The following LRP8 variants were observed in gnomAD, a reference collection of about 807,000 sequenced individuals.
LRP8 encodes the protein LDL receptor related protein 8.
LRP8 carries 46 observed loss-of-function variants against 111.6 expected under a neutral mutation model. That is an observed-to-expected ratio of 0.41 (90% CI 0.33 to 0.53). The LOEUF is 0.53. Ranked by LOEUF, LRP8 falls within the 20% of genes least tolerant of loss-of-function variation. LRP8 has a pLI of 0.20. For missense variants in LRP8, 959 were observed against 1,297.4 expected, an observed-to-expected ratio of 0.74 and a Z score of 4.01; for synonymous variants, 464 against 511.2, an observed-to-expected ratio of 0.91 and a Z score of 1.24.
intron 18 of LRP8, among the ~76,000 whole-genome samples, chr1:53,247,343 C>T (rs1290016835): frequency 6.6e-6 from 1 of 152,148 alleles, no homozygotes; most frequent in African/African-American, 2.4e-5. Flanking sequence ...TGTTTTGTAT[C>T]TTTGTAAAGA....
chr1:53,297,822 A>G (rs1557830786), intron 2 of LRP8, among the ~76,000 whole-genome samples: 1 of 152,204 alleles, frequency 6.6e-6, no homozygotes, highest in Non-Finnish European at 1.5e-5. Context: ...TTATTTCCCA[A>G]GAAACAAGTG....
chr1:53,310,040 C>T (rs1221518064), intron 2 of LRP8, among the ~76,000 whole-genome samples: 4 of 152,110 alleles, frequency 2.6e-5, no homozygotes, highest in South Asian at 2.1e-4. Flanking sequence ...GTCAGTTTAG[C>T]GGCCTTGAGC....
Position 53,262,109 on chromosome 1 carries a change from TGGA to T in LRP8, c.1870_1872del (p.Ser624del). ...CCAAAAGGGTGGCTCAGGAAGTCAG[TGGA>T]GGAGATCAGCGTCTTTCTGTTGCCT... is the stretch of plus-strand genomic sequence containing the variant. On this transcript the variant is annotated inframe_deletion, in exon 12 of 19. Transcript: ENST00000306052. This position sits in a 1 kb window ranked among gnomAD's most constrained non-coding sequence, Gnocchi z 4.8. The T allele has an allele frequency of 1.9e-6, 3 of 1,614,154 alleles. No individual in the cohort carries two copies. Among genetic ancestry groups the T allele is most frequent in the Non-Finnish European group, 2.5e-6 (3 of 1,180,034 alleles).
intron 9 of LRP8, 104 bp from the exon 10 acceptor site, chr1:53,264,500 T>A: frequency 1.2e-6 from 1 of 868,194 alleles, no homozygotes; most frequent in Non-Finnish European, 1.8e-6. Flanking sequence ...GCCATGGCAA[T>A]AGATTTTTAG....
In LRP8 at chr1:53,327,839, TGCAGCAGCAGCAGCA is replaced by T. The variant is rs764027862; in HGVS notation, c.59_73del (p.Leu20_Leu24del). On this transcript the variant is annotated inframe_deletion, in exon 1 of 19. Transcript: ENST00000306052. ...CGCTGCCGCCGCAAGATGCTGGAGC[TGCAGCAGCAGCAGCA>T]GCAGCAGCAGCAGCAGCAGCGCCAG... 107 of 1,486,934 alleles carry T rather than the reference TGCAGCAGCAGCAGCA, an allele frequency of 7.2e-5. 1 individual carries two copies. The highest frequency in any genetic ancestry group is 1.6e-4 in the African/African-American group (11 of 68,472). The allele number at this position is 1,486,934 out of a possible 1,614,324, so 92.1% of individuals were successfully genotyped here.
rs1051248551 is a variant in LRP8, at chr1:53,289,431, T to C, written c.367+136A>G. 6 of 1,214,330 alleles carry C rather than the reference T, an allele frequency of 4.9e-6. No individual in the cohort carries two copies. The African/African-American group carries it at 7.6e-5, about 15-fold the overall frequency. 75.2% of individuals were successfully genotyped at this position (1,214,330 alleles called of 1,614,324 possible). On this transcript the variant is annotated intron_variant, in intron 3 of 18. Coordinates refer to ENST00000306052, the MANE Select transcript of LRP8 (RefSeq NM_004631.5). Reference sequence around the variant, plus strand: ...GTAGAAACCAGCAACTAAATATATCTGTTTACCAGGAGCGCCCTGAGTGCG... The same window carrying C: ...GTAGAAACCAGCAACTAAATATATCCGTTTACCAGGAGCGCCCTGAGTGCG...
intron 15 of LRP8, among the ~76,000 whole-genome samples, chr1:53,255,795 C>G (rs1646065335): frequency 6.6e-6 from 1 of 152,092 alleles, no homozygotes; most frequent in Non-Finnish European, 1.5e-5. Context: ...ATAAATACAG[C>G]ACATGGTATT....
In LRP8 at chr1:53,275,686, G is replaced by A; in HGVS notation, c.951C>T (p.His317=). The A allele has an allele frequency of 6.2e-7, 1 of 1,614,154 alleles. No individual in the cohort carries two copies. Among genetic ancestry groups the A allele is most frequent in the Non-Finnish European group, 8.5e-7 (1 of 1,179,994 alleles). Reference sequence around the variant, plus strand: ...CTGGACAGTCCTGCTCCTGGTTGCAGTGCTTGATTGCAAGGACACATGTCC... The same window carrying A: ...CTGGACAGTCCTGCTCCTGGTTGCAATGCTTGATTGCAAGGACACATGTCC... ...GDGTCVLAIK[H]CNQEQDCPDG... The change falls in exon 6 of 19, where the codon CAC becomes CAT. Residue 317 remains histidine (H), a synonymous_variant. Transcript: ENST00000306052. This position sits in a 1 kb window ranked among gnomAD's most constrained non-coding sequence, Gnocchi z 4.4.
intron 2 of LRP8, among the ~76,000 whole-genome samples, chr1:53,314,212 C>T (rs1035162967): frequency 3.3e-5 from 5 of 152,232 alleles, no homozygotes; most frequent in Admixed American, 6.5e-5. Flanking sequence ...GGCGCTGCTG[C>T]CCTGCTACCC....
rs1572493389 is a variant in LRP8 at position 53,269,761 on chromosome 1, C to T, written c.1252+1267G>A. ...TTAGCCCTTATCGCCATCTGCCATG[C>T]ACTATATTTTATGTATTTATCTGAT... On this transcript the variant is annotated intron_variant, in intron 8 of 18. Transcript: ENST00000306052. 2.6e-5 allele frequency among the ~76,000 whole-genome samples: 4 copies of T among 152,284 alleles called. 1 individual carries two copies. Among genetic ancestry groups the T allele is most frequent in the Admixed American group, 2.0e-4 (3 of 15,290 alleles).
chr1:53,287,379 C>T (rs1647725462), intron 3 of LRP8, among the ~76,000 whole-genome samples: 1 of 152,212 alleles, frequency 6.6e-6, no homozygotes, highest in South Asian at 2.1e-4. Context: ...CCCCAGCTAG[C>T]ACAAGCAAGG....
chr1:53,266,505 G>A lies in LRP8; in HGVS notation c.1395C>T (p.Tyr465=). 3 of 1,614,232 alleles carry A rather than the reference G, an allele frequency of 1.9e-6. No homozygotes were observed. Among genetic ancestry groups the A allele is most frequent in the Non-Finnish European group, 2.5e-6 (3 of 1,180,046 alleles). Residue 465 remains tyrosine (Y), a synonymous_variant, in exon 9 of 19, where the codon TAC becomes TAT. Coordinates refer to ENST00000306052, the MANE Select transcript of LRP8 (RefSeq NM_004631.5). The surrounding 1 kb of genome is among the most constrained non-coding windows in gnomAD (Gnocchi z 5.0). ...TCTTACGGTAGGAGAGGTCACACCA[G>A]TAGATGCGATTGGTGGCAACTTCCA... ...LDVEVATNRI[Y]WCDLSYRKIY...
At chr1:53,268,722 C>T (rs916251008) in intron 8 of LRP8, 2 of 152,244 alleles carry the variant, frequency 1.3e-5, no homozygotes, top group African/African-American at 4.8e-5. Context: ...CTGCTTCCCT[C>T]ACCATCTTTC....
chr1:53,248,208 A>T (rs1645787016), intron 18 of LRP8, among the ~76,000 whole-genome samples: 1 of 152,240 alleles, frequency 6.6e-6, no homozygotes, highest in South Asian at 2.1e-4. Flanking sequence ...TCTACATATG[A>T]TAAAAAGTAA....
rs914609718 is a variant in LRP8 at position 53,250,466 on chromosome 1, T to G, written c.2676+224A>C. Among the ~76,000 whole-genome samples, 1 of 150,776 alleles carries G rather than the reference T, an allele frequency of 6.6e-6. No homozygotes were observed. Among genetic ancestry groups the G allele is most frequent in the Non-Finnish European group, 1.5e-5 (1 of 67,844 alleles). ...ACATGGTGCGTTTTTGATAAATGTT[T>G]GAGGAAGGAAAGAAGGAGGAAGGGA... On this transcript the variant is annotated intron_variant, in intron 17 of 18. Transcript: ENST00000306052. The surrounding 1 kb of genome is among the most constrained non-coding windows in gnomAD (Gnocchi z 4.6).
intron 9 of LRP8, 88 bp from the exon 10 acceptor site, chr1:53,264,484 A>C: frequency 3.0e-6 from 3 of 1,011,528 alleles, no homozygotes; most frequent in South Asian, 2.9e-5. Context: ...CCTCTCTTCC[A>C]TCTGGGCCAT....
At chr1:53,255,375 A>T (rs1646046663) in intron 15 of LRP8, among the ~76,000 whole-genome samples, 190 bp from the exon 16 acceptor site, 1 of 152,172 alleles carries the variant, frequency 6.6e-6, no homozygotes, top group South Asian at 2.1e-4. Context: ...GACAGAGGTT[A>T]TCTCCATTTT....
chr1:53,327,889 A>G lies in LRP8; in HGVS notation c.24T>C (p.Pro8=). The part of the protein sequence containing the change: MGLPEPG[P]LRLLALLLLL... ...GCAGCAGCAGCGCCAGAAGCCGGAG[A>G]GGGCCCGGCTCGGGGAGGCCCATGG... is the stretch of plus-strand genomic sequence containing the variant. Residue 8 remains proline (P), a synonymous_variant, in exon 1 of 19, where the codon CCT becomes CCC. Transcript: ENST00000306052. 6.7e-7 allele frequency: 1 copy of G among 1,487,876 alleles called. No individual in the cohort carries two copies. Among genetic ancestry groups the G allele is most frequent in the Non-Finnish European group, 8.9e-7 (1 of 1,123,142 alleles). 92.2% of individuals were successfully genotyped at this position (1,487,876 alleles called of 1,614,324 possible).
At chr1:53,302,855 A>C (rs76002131) in intron 2 of LRP8, among the ~76,000 whole-genome samples, 1 of 77,348 alleles carries the variant, frequency 1.3e-5, no homozygotes, top group Non-Finnish European at 2.6e-5. Context: ...ACACCCAGCT[A>C]ATTTTTTTTT....
Sources: allele counts gnomAD v4.1 joint callset (sites outside exome capture counted in the v4.1 genomes callset), GRCh38; gene constraint gnomAD v4.1.1; non-coding constraint Gnocchi (gnomAD v3.1); transcripts MANE v1.5; gene names NCBI Gene and HGNC (gene_info 2026-07-23, HGNC 2026-07-21).